The following PAPPA2 variants were observed in gnomAD, a reference collection of about 807,000 sequenced individuals.
The protein encoded by PAPPA2 is pappalysin 2.
PAPPA2 carries 86 observed loss-of-function variants against 176.4 expected under a neutral mutation model. That is an observed-to-expected ratio of 0.49 (90% CI 0.41 to 0.58). The LOEUF (loss-of-function observed/expected upper bound fraction) is 0.58, where lower values mean the gene tolerates loss of function less well. Among genes scored for constraint, PAPPA2 ranks in the 20% least tolerant of loss-of-function variants. The pLI is 0.00. For missense variants in PAPPA2, 2,073 were observed against 2,256.9 expected (o/e 0.92, Z 1.65); for synonymous variants, 809 against 852.2 (o/e 0.95, Z 0.88).
chr1:176,505,834 G>T (rs897070011), intron 1 of PAPPA2, among the ~76,000 whole-genome samples: 1 of 151,966 alleles, frequency 6.6e-6, no homozygotes, highest in Non-Finnish European at 1.5e-5. Flanking sequence ...ATATCACAGG[G>T]ATTCTCTTGA....
chr1:176,693,649 C>T (rs1035882941), intron 6 of PAPPA2, among the ~76,000 whole-genome samples: 1 of 152,180 alleles, frequency 6.6e-6, no homozygotes, highest in Non-Finnish European at 1.5e-5. Flanking sequence ...ATTTTGATAC[C>T]TGTCCCTGAT....
At chr1:176,631,299 T>C (rs1656325835) in intron 3 of PAPPA2, among the ~76,000 whole-genome samples, 1 of 152,112 alleles carries the variant, frequency 6.6e-6, no homozygotes, top group Non-Finnish European at 1.5e-5. Flanking sequence ...AAAAGATCAC[T>C]ATGATTCCAC....
intron 19 of PAPPA2, 83 bp downstream of exon 19, chr1:176,791,565 T>G (rs1007299742): frequency 3.0e-5 from 45 of 1,485,934 alleles, no homozygotes; most frequent in Non-Finnish European, 3.9e-5. Context: ...ATTTTATTTA[T>G]TTTTGTCAGA....
intron 1 of PAPPA2, among the ~76,000 whole-genome samples, chr1:176,473,271 A>C (rs1299033234): frequency 1.3e-5 from 2 of 152,176 alleles, no homozygotes; most frequent in Non-Finnish European, 2.9e-5. Flanking sequence ...ATGTCATATA[A>C]TTGGGATCAT....
intron 2 of PAPPA2, among the ~76,000 whole-genome samples, chr1:176,594,290 A>G (rs1055582789): frequency 6.6e-6 from 1 of 152,274 alleles, no homozygotes; most frequent in African/African-American, 2.4e-5. Flanking sequence ...TAAACATACC[A>G]GAATGAGTTA....
intron 3 of PAPPA2, among the ~76,000 whole-genome samples, chr1:176,623,761 T>TCC (rs1655825538): frequency 9.3e-4 from 90 of 97,270 alleles, no homozygotes; most frequent in African/African-American, 2.6e-3. Flanking sequence ...CTTCCTTCCT[T>TCC]TCTTTCTTTC....
chr1:176,743,373 A>C (rs1419135713), intron 14 of PAPPA2, among the ~76,000 whole-genome samples: 1 of 152,174 alleles, frequency 6.6e-6, no homozygotes, highest in Admixed American at 6.5e-5. Context: ...TACCCAGTTT[A>C]TGACCCTTTG....
At chr1:176,601,919 C>T (rs527873400) in intron 3 of PAPPA2, among the ~76,000 whole-genome samples, 13 of 152,330 alleles carry the variant, frequency 8.5e-5, no homozygotes, top group Admixed American at 7.8e-4. Context: ...TGCTTTCTCT[C>T]CTTTTCGCAA....
intron 3 of PAPPA2, among the ~76,000 whole-genome samples, chr1:176,658,839 A>T (rs1380805055): frequency 1.3e-5 from 2 of 152,036 alleles, no homozygotes; most frequent in Non-Finnish European, 2.9e-5. Context: ...ACCAGTTTTG[A>T]TGTTGTACAG....
chr1:176,565,056 T>C (rs1651885644), intron 2 of PAPPA2, among the ~76,000 whole-genome samples: 1 of 152,248 alleles, frequency 6.6e-6, no homozygotes, highest in South Asian at 2.1e-4. Flanking sequence ...TATGATCTTT[T>C]GTGGCTGGCT....
intron 12 of PAPPA2, among the ~76,000 whole-genome samples, chr1:176,713,446 A>T (rs1474256151): frequency 6.6e-6 from 1 of 152,100 alleles, no homozygotes; most frequent in Non-Finnish European, 1.5e-5. Context: ...ATCAAAGTAA[A>T]CTGCTTTCAT....
intron 1 of PAPPA2, among the ~76,000 whole-genome samples, chr1:176,552,540 T>C (rs1651026709): frequency 6.6e-6 from 1 of 152,020 alleles, no homozygotes; most frequent in African/African-American, 2.4e-5. Context: ...TGTTTATCTG[T>C]AAGCTCCAAT....
rs562397439 is a variant in PAPPA2 at position 176,548,301 on chromosome 1, T to C, written c.-916-7106T>C. On this transcript the variant is annotated intron_variant, in intron 1 of 22. Coordinates refer to ENST00000367662, the MANE Select transcript of PAPPA2 (RefSeq NM_020318.3). ...TCTCTTAGATTTTAATGGGGGCATG[T>C]TGGATCTGGGGGAGCAAGGGTAGTG... 7.9e-5 allele frequency among the ~76,000 whole-genome samples: 12 copies of C among 152,172 alleles called. 1 individual carries two copies. Among genetic ancestry groups the C allele is most frequent in the African/African-American group, 2.9e-4 (12 of 41,522 alleles).
intron 21 of PAPPA2, among the ~76,000 whole-genome samples, chr1:176,818,540 G>T (rs895886356): frequency 3.9e-5 from 6 of 152,006 alleles, no homozygotes; most frequent in Admixed American, 2.0e-4. Context: ...AGTTCATCAG[G>T]TAATTCTATT....
chr1:176,530,122 C>G (rs1434304831), intron 1 of PAPPA2, among the ~76,000 whole-genome samples: 2 of 152,198 alleles, frequency 1.3e-5, no homozygotes, highest in African/African-American at 4.8e-5. Context: ...AGGCTACCTG[C>G]TCTTGAAACA....
intron 21 of PAPPA2, among the ~76,000 whole-genome samples, chr1:176,808,409 T>C (rs953405062): frequency 6.6e-6 from 1 of 152,166 alleles, no homozygotes; most frequent in African/African-American, 2.4e-5. Context: ...AGAAAAGGAA[T>C]CATCTTCCAG....
intron 12 of PAPPA2, among the ~76,000 whole-genome samples, chr1:176,717,820 A>G (rs1661445765): frequency 6.6e-6 from 1 of 152,244 alleles, no homozygotes; most frequent in African/African-American, 2.4e-5. Flanking sequence ...AGATATTTGG[A>G]AAACCAACAG....
At position 176,616,075 on chromosome 1, in the gene PAPPA2, C is replaced by T. The variant is rs115584013; in HGVS notation, c.1991+20480C>T. 5.8e-3 allele frequency among the ~76,000 whole-genome samples: 887 copies of T among 152,300 alleles called. 3 individuals are homozygous for T. The highest frequency in any genetic ancestry group is 8.8e-3 in the Non-Finnish European group (600 of 68,034). ...ACAGCAAGAATCTTTTGCCAAATGT[C>T]TAAATAGGTTGACTGTAACCCAAAC... On this transcript the variant is annotated intron_variant, in intron 3 of 22. Coordinates refer to ENST00000367662, the MANE Select transcript of PAPPA2 (RefSeq NM_020318.3).
chr1:176,772,874 C>CT (rs1310113812), intron 17 of PAPPA2, among the ~76,000 whole-genome samples: 3 of 151,918 alleles, frequency 2.0e-5, no homozygotes, highest in Admixed American at 6.6e-5. Flanking sequence ...AGTCTTGCCT[C>CT]TTTTTTTTAC....
Sources: gnomAD v4.1 joint callset for allele counts (sites outside exome capture counted in the v4.1 genomes callset) on GRCh38, gnomAD v4.1.1 for gene constraint, MANE v1.5 for transcripts, NCBI Gene and HGNC (gene_info 2026-07-23, HGNC 2026-07-21) for gene names.